The following SYCP2L variants were observed in gnomAD, a reference collection of about 807,000 sequenced individuals.
SYCP2L encodes the protein synaptonemal complex protein 2-like.
In SYCP2L, 98 loss-of-function variants were observed where a neutral mutation model predicts 125.8. The observed-to-expected ratio is 0.78, with a 90% CI of 0.66 to 0.92. The LOEUF is 0.92. SYCP2L is among the 40% of genes least tolerant of loss of function. SYCP2L has a pLI of 0.00. For missense variants in SYCP2L, 842 were observed against 936.4 expected (o/e 0.90, Z 1.32); for synonymous variants, 317 against 325.4 (o/e 0.97, Z 0.28).
chr6:10,901,201 T>G (rs1450898689), intron 6 of SYCP2L, among the ~76,000 whole-genome samples: 1 of 152,208 alleles, frequency 6.6e-6, no homozygotes, highest in Non-Finnish European at 1.5e-5. Flanking sequence ...ATTTAATTAC[T>G]AACATCAAAA....
Position 10,954,957 on chromosome 6 carries a change from G to A in SYCP2L, c.1955-159G>A, listed in dbSNP as rs190332504. Reference sequence around the variant, plus strand: ...CAGGTATCAGTAGACATCGTGCTTCGATACTTGGTTTGTGCCTAGTCGATG... The same window carrying A: ...CAGGTATCAGTAGACATCGTGCTTCAATACTTGGTTTGTGCCTAGTCGATG... On this transcript the variant is annotated intron_variant, in intron 23 of 29. Transcript: ENST00000283141. This position sits in a 1 kb window ranked among gnomAD's most constrained non-coding sequence, Gnocchi z 4.8. Among the ~76,000 whole-genome samples, 469 of 152,234 alleles carry A rather than the reference G, an allele frequency of 3.1e-3. 1 individual carries two copies. Among genetic ancestry groups the A allele is most frequent in the Non-Finnish European group, 5.0e-3 (339 of 68,024 alleles).
At chr6:10,921,160 C>T (rs1182057227) in intron 14 of SYCP2L, among the ~76,000 whole-genome samples, 2 of 152,156 alleles carry the variant, frequency 1.3e-5, no homozygotes, top group Non-Finnish European at 2.9e-5. Context: ...TGTTAGTTTG[C>T]TGTGGATGAT....
At chr6:10,949,707 T>C (rs1292334626) in intron 23 of SYCP2L, among the ~76,000 whole-genome samples, 3 of 147,842 alleles carry the variant, frequency 2.0e-5, no homozygotes, top group African/African-American at 7.4e-5. Flanking sequence ...TTGGCTAATA[T>C]TTACCTGATA....
At chr6:10,940,371 T>C (rs1207930190) in intron 21 of SYCP2L, among the ~76,000 whole-genome samples, 1 of 152,194 alleles carries the variant, frequency 6.6e-6, no homozygotes. Context: ...AAGAGAGATC[T>C]GCACTCCCAT....
intron 29 of SYCP2L, among the ~76,000 whole-genome samples, chr6:10,965,784 A>G (rs1396632701): frequency 6.6e-6 from 1 of 152,168 alleles, no homozygotes; most frequent in Non-Finnish European, 1.5e-5. Context: ...TGCAACAAAA[A>G]TTGCAAAGAG....
intron 6 of SYCP2L, 35 bp from the exon 7 acceptor site, chr6:10,902,642 A>T (rs758969045): frequency 8.8e-6 from 14 of 1,583,164 alleles, no homozygotes; most frequent in Non-Finnish European, 1.2e-5. Flanking sequence ...TACTCTTCCA[A>T]ACATAAATTT....
At chr6:10,967,522 TTAGAAG>T (rs1169753040) in intron 29 of SYCP2L, among the ~76,000 whole-genome samples, 2 of 139,426 alleles carry the variant, frequency 1.4e-5, no homozygotes, top group African/African-American at 5.3e-5. Flanking sequence ...AGAAAAACCA[TTAGAAG>T]TAGATGGATA....
At position 10,966,933 on chromosome 6, in the gene SYCP2L, A is replaced by G. The variant is rs112901013; in HGVS notation, c.*37+3090A>G. On this transcript the variant is annotated intron_variant, in intron 29 of 29. Transcript: ENST00000283141. ...ATATATTAGAAACAGCAATATGTCA[A>G]TAAGTGTGAAAACTTAGATGAAATG... is the stretch of plus-strand genomic sequence containing the variant. Among the ~76,000 whole-genome samples, 785 of 152,344 alleles carry G rather than the reference A, an allele frequency of 5.2e-3. 7 individuals carry two copies. The highest frequency in any genetic ancestry group is 0.018 in the African/African-American group (749 of 41,586).
chr6:10,959,347 T>C (rs1781558447), intron 26 of SYCP2L, among the ~76,000 whole-genome samples: 1 of 152,140 alleles, frequency 6.6e-6, no homozygotes, highest in African/African-American at 2.4e-5. Flanking sequence ...GTACCTAGAA[T>C]AGTCAAATTC....
At chr6:10,918,879 A>G (rs1210947275) in intron 14 of SYCP2L, among the ~76,000 whole-genome samples, 1 of 152,166 alleles carries the variant, frequency 6.6e-6, no homozygotes, top group African/African-American at 2.4e-5. Context: ...GAGACTTTCC[A>G]GAGCATTTTG....
chr6:10,912,745 T>C lies in SYCP2L; in HGVS notation c.991T>C (p.Phe331Leu), dbSNP rs1338762863. The C allele has an allele frequency of 1.2e-6, 2 of 1,613,784 alleles. No homozygotes were observed. Among genetic ancestry groups the C allele is most frequent in the Non-Finnish European group, 1.7e-6 (2 of 1,179,860 alleles). Residue 331 changes from phenylalanine (F) to leucine (L), a missense_variant, in exon 13 of 30, where the codon TTT (phenylalanine) becomes CTT (leucine). Transcript: ENST00000283141. This position sits in a 1 kb window ranked among gnomAD's most constrained non-coding sequence, Gnocchi z 4.1. ...DFNLGSQSVTFYIDNAENTLW... is the reference protein window; with the variant it reads ...DFNLGSQSVTLYIDNAENTLW... Reference sequence around the variant, plus strand: ...CAACCTAGGAAGTCAGAGTGTCACTTTTTATATAGACAATGCTGAGGTAAT... The same window carrying C: ...CAACCTAGGAAGTCAGAGTGTCACTCTTTATATAGACAATGCTGAGGTAAT...
chr6:10,899,970 A>G (rs1561680820), intron 6 of SYCP2L, among the ~76,000 whole-genome samples: 1 of 152,230 alleles, frequency 6.6e-6, no homozygotes, highest in Admixed American at 6.5e-5. Flanking sequence ...AATCCCAACA[A>G]TATGTATATA....
At chr6:10,909,472 T>C (rs1011672318) in intron 10 of SYCP2L, among the ~76,000 whole-genome samples, 6 of 152,156 alleles carry the variant, frequency 3.9e-5, no homozygotes, top group Admixed American at 3.9e-4. Flanking sequence ...TGAGGTCTAT[T>C]TACTCCTGAA....
chr6:10,902,485 G>A (rs4713035), intron 6 of SYCP2L, among the ~76,000 whole-genome samples, 192 bp from the exon 7 acceptor site: 134,026 of 152,244 alleles, frequency 0.88, 59,114 homozygotes, highest in East Asian at 1. Context: ...GCGTGTATGC[G>A]TGTGTGCACA....
At chr6:10,905,837 C>T (rs562354043) in intron 8 of SYCP2L, among the ~76,000 whole-genome samples, 183 bp from the exon 9 acceptor site, 1 of 152,242 alleles carries the variant, frequency 6.6e-6, no homozygotes, top group East Asian at 1.9e-4. Flanking sequence ...ACATCTAGAT[C>T]ATTAATATAT....
intron 29 of SYCP2L, among the ~76,000 whole-genome samples, chr6:10,969,663 C>T (rs931265580): frequency 3.3e-5 from 5 of 151,834 alleles, no homozygotes; most frequent in African/African-American, 9.7e-5. Flanking sequence ...CGCGCCTGGC[C>T]GGAAATTATC....
rs770366502 is a variant in SYCP2L, at chr6:10,958,918, C to T, written c.2255+43C>T. On this transcript the variant is annotated intron_variant, in intron 26 of 29. Coordinates refer to ENST00000283141, the MANE Select transcript of SYCP2L (RefSeq NM_001040274.3). ...AAACAAGGTCGTGGAAGTGTGATCA[C>T]TCACCAACAGCGTTTATCTCATGAC... is the stretch of plus-strand genomic sequence containing the variant. 3 of 1,553,278 alleles carry T rather than the reference C, an allele frequency of 1.9e-6. No individual in the cohort carries two copies. In the South Asian group the frequency reaches 3.4e-5, roughly 17 times the overall value.
At chr6:10,959,881 A>AAAG (rs1554108495) in intron 26 of SYCP2L, among the ~76,000 whole-genome samples, 2 of 151,608 alleles carry the variant, frequency 1.3e-5, no homozygotes, top group East Asian at 1.9e-4. Context: ...AAAAAAAAAA[A>AAAG]AAAGAAAGAA....
At chr6:10,946,825 A>G (rs562975294) in intron 23 of SYCP2L, among the ~76,000 whole-genome samples, 2 of 152,100 alleles carry the variant, frequency 1.3e-5, no homozygotes, top group African/African-American at 4.8e-5. Flanking sequence ...AAATACGTCT[A>G]AGATAAACCT....
Sources: gnomAD v4.1 joint callset for allele counts (sites outside exome capture counted in the v4.1 genomes callset) on GRCh38, gnomAD v4.1.1 for gene constraint, Gnocchi (gnomAD v3.1) non-coding constraint, MANE v1.5 for transcripts, NCBI Gene and HGNC (gene_info 2026-07-23, HGNC 2026-07-21) for gene names.